Variants in TRAM1 observed in about 807,000 individuals in gnomAD.
TRAM1 encodes translocating chain-associated membrane protein 1.
TRAM1 carries 17 observed loss-of-function variants against 48.7 expected under a neutral mutation model. That is an observed-to-expected ratio of 0.35 (90% CI 0.24 to 0.52). The LOEUF (loss-of-function observed/expected upper bound fraction) is 0.52, where lower values mean the gene tolerates loss of function less well. TRAM1 is among the 20% of genes least tolerant of loss of function. TRAM1 has a pLI of 0.94. For synonymous variants in TRAM1, 182 were observed against 154.0 expected, an observed-to-expected ratio of 1.18 and a Z score of -1.34; for missense variants, 351 against 441.5, an observed-to-expected ratio of 0.79 and a Z score of 1.84.
At chr8:70,579,185 A>G (rs1262369311) in intron 10 of TRAM1, among the ~76,000 whole-genome samples, 1 of 152,178 alleles carries the variant, frequency 6.6e-6, no homozygotes, top group Non-Finnish European at 1.5e-5. Context: ...ACAAATCTAG[A>G]TGGTAGAGCC....
intron 2 of TRAM1, among the ~76,000 whole-genome samples, chr8:70,598,706 G>C (rs943335176): frequency 6.6e-6 from 1 of 151,978 alleles, no homozygotes; most frequent in Non-Finnish European, 1.5e-5. Context: ...ATTTAGTTTT[G>C]ATCTATAAGC....
Position 70,584,906 on chromosome 8 carries a change from C to T in TRAM1, c.747-1113G>A, listed in dbSNP as rs866381718. Among the ~76,000 whole-genome samples, 28 of 152,272 alleles carry T rather than the reference C, an allele frequency of 1.8e-4. 1 individual carries two copies. The Middle Eastern group carries it at 0.01, about 55-fold the overall frequency. On this transcript the variant is annotated intron_variant, in intron 8 of 10. Coordinates refer to ENST00000262213, the MANE Select transcript of TRAM1 (RefSeq NM_014294.6). Reference sequence around the variant, plus strand: ...TCCCCATCAAGCTACCAATGACTTTCTTCACAGAATTGGAAAAAACTACTT... The same window carrying T: ...TCCCCATCAAGCTACCAATGACTTTTTTCACAGAATTGGAAAAAACTACTT...
intron 6 of TRAM1, chr8:70,587,667 T>C (rs759462521): frequency 1.3e-5 from 2 of 153,766 alleles, no homozygotes; most frequent in Admixed American, 1.3e-4. Flanking sequence ...GTTATGTTCA[T>C]AGTAGTAGAG....
intron 1 of TRAM1, among the ~76,000 whole-genome samples, chr8:70,606,695 A>G (rs951967426): frequency 1.3e-5 from 2 of 151,966 alleles, no homozygotes; most frequent in African/African-American, 2.4e-5. Flanking sequence ...CCCTTTAACT[A>G]TACCTGCTAC....
chr8:70,608,117 G>C lies in TRAM1; in HGVS notation c.83C>G (p.Ser28Cys). The C allele has an allele frequency of 6.2e-7, 1 of 1,600,510 alleles. No homozygotes were observed. The highest frequency in any genetic ancestry group is 1.4e-5 in the African/African-American group (1 of 73,176). The change falls in exon 1 of 11, where the codon TCC becomes TGC. Residue 28 changes from serine to cysteine, a missense_variant. Transcript: ENST00000262213. ...CAGCAGGAAGACCATCGCCACACAGGAGACGATGTCCGCGTGATTCTGCAG... is the reference window on the plus strand; with the variant it reads ...CAGCAGGAAGACCATCGCCACACAGCAGACGATGTCCGCGTGATTCTGCAG... ...FVLQNHADIV[S>C]CVAMVFLLGL...
intron 2 of TRAM1, among the ~76,000 whole-genome samples, chr8:70,599,236 TA>T (rs1158757841): frequency 8.5e-5 from 13 of 152,084 alleles, no homozygotes; most frequent in Non-Finnish European, 1.2e-4. Flanking sequence ...CCTGCCTAGG[TA>T]ACACATTTGG....
At chr8:70,579,341 T>C (rs1024445176) in intron 10 of TRAM1, among the ~76,000 whole-genome samples, 3 of 152,232 alleles carry the variant, frequency 2.0e-5, no homozygotes, top group Admixed American at 6.5e-5. Flanking sequence ...AGAAATGGTA[T>C]TGGAGAAATA....
rs532256864 is a variant in TRAM1, at chr8:70,587,443, A to G, written c.571-267T>C. 1.6e-5 allele frequency: 6 copies of G among 381,588 alleles called. No individual in the cohort carries two copies. In the Admixed American group the frequency reaches 1.6e-4, roughly 10 times the overall value. The allele number at this position is 381,588 out of a possible 1,614,324, so 23.6% of individuals were successfully genotyped here. A position where few individuals can be genotyped will look rare whatever the true frequency, so the allele number is the denominator to read the frequency against. ...CACCCCACCGCAATCTCTCATCCTCAATTAGGTATATAGCATTAGCAAGTC... is the reference window on the plus strand; with the variant it reads ...CACCCCACCGCAATCTCTCATCCTCGATTAGGTATATAGCATTAGCAAGTC... On this transcript the variant is annotated intron_variant, in intron 6 of 10. Coordinates refer to ENST00000262213, the MANE Select transcript of TRAM1 (RefSeq NM_014294.6).
At chr8:70,583,573 G>C (rs1443511616) in intron 9 of TRAM1, 77 bp downstream of exon 9, 1 of 1,526,090 alleles carries the variant, frequency 6.6e-7, no homozygotes, top group African/African-American at 1.4e-5. Flanking sequence ...TCCTTTTTTA[G>C]ATGATTCAAT....
At chr8:70,600,167 T>C in intron 1 of TRAM1, 85 bp from the exon 2 acceptor site, 1 of 1,111,382 alleles carries the variant, frequency 9.0e-7, no homozygotes, top group East Asian at 2.5e-5. Context: ...ATAAAATCTG[T>C]CCCTAAATCG....
At chr8:70,596,674 A>T (rs1273515714) in intron 4 of TRAM1, among the ~76,000 whole-genome samples, 1 of 152,184 alleles carries the variant, frequency 6.6e-6, no homozygotes, top group Non-Finnish European at 1.5e-5. Flanking sequence ...TTAGGTAATC[A>T]GAAGATTTCA....
At chr8:70,601,830 G>C (rs1421300839) in intron 1 of TRAM1, among the ~76,000 whole-genome samples, 1 of 152,216 alleles carries the variant, frequency 6.6e-6, no homozygotes, top group Non-Finnish European at 1.5e-5. Context: ...ATTTCTGGGA[G>C]ATGAGCAGTA....
At chr8:70,607,272 C>T (rs940478159) in intron 1 of TRAM1, 3 of 985,182 alleles carry the variant, frequency 3.0e-6, no homozygotes, top group South Asian at 4.7e-5. Context: ...AATTTACACA[C>T]TCCTGACATT....
intron 6 of TRAM1, 111 bp downstream of exon 6, chr8:70,594,395 G>A: frequency 1.5e-6 from 1 of 670,730 alleles, no homozygotes; most frequent in Non-Finnish European, 2.4e-6. Flanking sequence ...AAGAGTTGAG[G>A]TAAGAAGAAT....
At chr8:70,575,247 A>G (rs555874578) in intron 10 of TRAM1, among the ~76,000 whole-genome samples, 4 of 152,348 alleles carry the variant, frequency 2.6e-5, no homozygotes, top group African/African-American at 7.2e-5. Flanking sequence ...AGAAAACTAT[A>G]AAGTCACAAG....
At chr8:70,598,953 C>G (rs1026244103) in intron 2 of TRAM1, among the ~76,000 whole-genome samples, 2 of 152,140 alleles carry the variant, frequency 1.3e-5, no homozygotes, top group African/African-American at 4.8e-5. Context: ...ATTTACAAAA[C>G]TGTACATAAC....
Position 70,586,902 on chromosome 8 carries a change from G to T in TRAM1, c.739C>A (p.Gln247Lys). ...AATGGCTAAACAACTTACCCTTTCT[G>T]ATACTTTTCATTGCTAAAATAAAAC... The part of the protein sequence containing the change: ...RLFYFSNEKY[Q>K]KGFSLWAVLF... The change falls in exon 8 of 11, where the codon CAG (glutamine) becomes AAG (lysine). Residue 247 changes from glutamine to lysine, a missense_variant. By Grantham distance (53) the Gln-to-Lys change is moderately conservative. Transcript: ENST00000262213. 1 of 1,613,092 alleles carries T rather than the reference G, an allele frequency of 6.2e-7. No individual in the cohort carries two copies. The highest frequency in any genetic ancestry group is 1.3e-5 in the African/African-American group (1 of 74,988).
intron 1 of TRAM1, among the ~76,000 whole-genome samples, chr8:70,601,630 A>G (rs370016315): frequency 3.3e-5 from 5 of 152,350 alleles, no homozygotes; most frequent in African/African-American, 1.2e-4. Flanking sequence ...CTGAATAAAT[A>G]TCAGTTAAAA....
chr8:70,601,936 A>G (rs1360985899), intron 1 of TRAM1, among the ~76,000 whole-genome samples: 1 of 152,232 alleles, frequency 6.6e-6, no homozygotes, highest in African/African-American at 2.4e-5. Flanking sequence ...TGAAGCTGTG[A>G]AAATACATAA....
Sources: gnomAD v4.1 joint callset for allele counts (sites outside exome capture counted in the v4.1 genomes callset) on GRCh38, gnomAD v4.1.1 for gene constraint, MANE v1.5 for transcripts, NCBI Gene and HGNC (gene_info 2026-07-23, HGNC 2026-07-21) for gene names.